LEKR1: variants seen among roughly 807,000 people sequenced by gnomAD.
LEKR1 encodes the protein leucine, glutamate and lysine rich 1.
In LEKR1, 59 loss-of-function variants were observed where a neutral mutation model predicts 72.4. The ratio of observed to expected loss-of-function variants is 0.82; its 90% CI spans 0.66 to 1.01. LEKR1 has a LOEUF of 1.01. Among genes scored for constraint, LEKR1 ranks in the 50% least tolerant of loss-of-function variants. LEKR1 has a pLI of 0.00. For synonymous variants in LEKR1, 257 were observed against 263.2 expected (o/e 0.98, Z 0.23); for missense variants, 728 against 759.2 (o/e 0.96, Z 0.48).
In LEKR1 at chr3:156,938,142, AACAC is replaced by A. The variant is rs139273691; in HGVS notation, c.560-4369_560-4366del. Among the ~76,000 whole-genome samples the A allele has an allele frequency of 3.1e-4, 47 of 149,704 alleles. 1 individual carries two copies. The South Asian group carries it at 3.6e-3, about 11-fold the overall frequency. ...TTATGATAGAATTGCATGGAACTGT[AACAC>A]ACACACACACACACACATGAGTGTG... On this transcript the variant is annotated intron_variant, in intron 5 of 12. Transcript: ENST00000356539.
chr3:156,933,960 C>T (rs1306902977), intron 5 of LEKR1, among the ~76,000 whole-genome samples: 1 of 152,104 alleles, frequency 6.6e-6, no homozygotes, highest in Non-Finnish European at 1.5e-5. Context: ...AGAGGGAGGC[C>T]CTTCAGATTT....
chr3:156,922,986 A>G (rs1724353279), intron 4 of LEKR1, among the ~76,000 whole-genome samples: 1 of 152,052 alleles, frequency 6.6e-6, no homozygotes, highest in South Asian at 2.1e-4. Flanking sequence ...TTCAATGTCA[A>G]CTCCAAAAAT....
chr3:156,902,897 A>G (rs1722171174), intron 3 of LEKR1, among the ~76,000 whole-genome samples: 1 of 152,080 alleles, frequency 6.6e-6, no homozygotes, highest in South Asian at 2.1e-4. Context: ...TGATTTTAAA[A>G]AAAGCACCAT....
rs565551996 is a variant in LEKR1 at position 156,969,993 on chromosome 3, A to T, written c.746-9201A>T. Among the ~76,000 whole-genome samples, 15 of 152,344 alleles carry T rather than the reference A, an allele frequency of 9.8e-5. No homozygotes were observed. In the East Asian group the frequency reaches 2.1e-3, roughly 22 times the overall value. ...ATATGCAAATCAATAAACATAATCC[A>T]GCATATAAACAGAACCAATGACAAA... On this transcript the variant is annotated intron_variant, in intron 6 of 12. Transcript: ENST00000356539.
intron 3 of LEKR1, among the ~76,000 whole-genome samples, chr3:156,882,788 G>A (rs1315894300): frequency 6.6e-6 from 1 of 152,104 alleles, no homozygotes; most frequent in Admixed American, 6.5e-5. Flanking sequence ...TTAAGAAAAT[G>A]TGGCACATAT....
chr3:156,861,884 C>T (rs921481597), intron 3 of LEKR1, among the ~76,000 whole-genome samples: 1 of 152,044 alleles, frequency 6.6e-6, no homozygotes, highest in Non-Finnish European at 1.5e-5. Flanking sequence ...CCCACACCAA[C>T]ACTAGATTGT....
intron 3 of LEKR1, among the ~76,000 whole-genome samples, chr3:156,914,106 G>C (rs1334551301): frequency 2.0e-5 from 3 of 151,806 alleles, no homozygotes; most frequent in African/African-American, 4.8e-5. Context: ...CAGTTCCTTG[G>C]TATTCTCTAA....
chr3:156,849,570 G>A (rs1715077815), intron 2 of LEKR1, among the ~76,000 whole-genome samples: 1 of 151,490 alleles, frequency 6.6e-6, no homozygotes, highest in South Asian at 2.1e-4. Context: ...ATATAGACCA[G>A]TGGAACAGAA....
intron 5 of LEKR1, among the ~76,000 whole-genome samples, chr3:156,936,796 T>G (rs1560093968): frequency 1.3e-5 from 2 of 152,204 alleles, no homozygotes; most frequent in East Asian, 3.9e-4. Flanking sequence ...AAAGAGAAAG[T>G]GCCTTGTCCT....
At chr3:157,044,228 T>C (rs192415316) in intron 12 of LEKR1, among the ~76,000 whole-genome samples, 1 of 152,308 alleles carries the variant, frequency 6.6e-6, no homozygotes, top group African/African-American at 2.4e-5. Flanking sequence ...GCACACTCAT[T>C]TTACTTGTGT....
chr3:156,943,029 A>G (rs1175400847), intron 6 of LEKR1, among the ~76,000 whole-genome samples: 1 of 151,992 alleles, frequency 6.6e-6, no homozygotes, highest in Non-Finnish European at 1.5e-5. Context: ...TTCCTTGTAA[A>G]GGTGAATCCA....
intron 10 of LEKR1, 137 bp downstream of exon 10, chr3:157,011,643 A>T (rs974887150): frequency 6.1e-6 from 4 of 651,302 alleles, no homozygotes; most frequent in Admixed American, 5.9e-5. Context: ...TTCCTAGACC[A>T]GACATGCTTA....
At chr3:156,854,201 T>A (rs539704865) in intron 3 of LEKR1, among the ~76,000 whole-genome samples, 1 of 145,216 alleles carries the variant, frequency 6.9e-6, no homozygotes, top group South Asian at 2.2e-4. Context: ...TGGAGTGCAG[T>A]GTCGTGATCT....
In LEKR1 at chr3:157,045,508, G is replaced by A. The variant is rs1324865820; in HGVS notation, c.1837G>A (p.Ala613Thr). ...SKGSLTSPAA[A>T]VSNHGERSLA... is the part of the protein sequence containing the mutation. ...GGGCAGCCTAACCTCCCCTGCTGCA[G>A]CAGTCAGTAATCATGGAGAGAGAAG... The change falls in exon 13 of 13, where the codon GCA becomes ACA. Residue 613 changes from alanine to threonine, a missense_variant. Ala to Thr is a moderately conservative substitution (Grantham distance 58). Coordinates refer to ENST00000356539, the MANE Select transcript of LEKR1 (RefSeq NM_001004316.3). 1.2e-6 allele frequency: 2 copies of A among 1,614,014 alleles called. No homozygotes were observed. Among genetic ancestry groups the A allele is most frequent in the East Asian group, 2.2e-5 (1 of 44,896 alleles).
Position 157,038,517 on chromosome 3 carries a change from C to A in LEKR1, c.1669-6823C>A, listed in dbSNP as rs576785087. On this transcript the variant is annotated intron_variant, in intron 12 of 12. Coordinates refer to ENST00000356539, the MANE Select transcript of LEKR1 (RefSeq NM_001004316.3). ...AACCCTTGGGACTGAATGAGATCAC[C>A]CAGAGGATGAGGTAATAGAGCAAGG... Among the ~76,000 whole-genome samples, 46 of 152,106 alleles carry A rather than the reference C, an allele frequency of 3.0e-4. 1 individual carries two copies. The highest frequency in any genetic ancestry group is 6.5e-4 in the Non-Finnish European group (44 of 67,988).
At chr3:156,899,860 G>T (rs946687090) in intron 3 of LEKR1, among the ~76,000 whole-genome samples, 1 of 151,214 alleles carries the variant, frequency 6.6e-6, no homozygotes, top group Non-Finnish European at 1.5e-5. Context: ...ATGTATATGT[G>T]CATGTGTGTA....
chr3:157,028,221 A>G lies in LEKR1; in HGVS notation c.1487A>G (p.Glu496Gly), dbSNP rs546912778. 94 of 1,613,328 alleles carry G rather than the reference A, an allele frequency of 5.8e-5. No homozygotes were observed. The highest frequency in any genetic ancestry group is 3.4e-4 in the South Asian group (31 of 91,052). Residue 496 changes from glutamate to glycine, a missense_variant, in exon 12 of 13, where the codon GAA becomes GGA. Physicochemically the swap from Glu to Gly is moderately conservative, Grantham distance 98. Coordinates refer to ENST00000356539, the MANE Select transcript of LEKR1 (RefSeq NM_001004316.3). ...GAAGAATCTAATTCAAAGGAAAAAG[A>G]AATTGAAAATCTTAAAAATTTGGTT... ...YTEESNSKEKEIENLKNLVAE... is the reference protein window; with the variant it reads ...YTEESNSKEKGIENLKNLVAE...
chr3:156,873,953 G>C (rs142468976), intron 3 of LEKR1, among the ~76,000 whole-genome samples: 237 of 152,134 alleles, frequency 1.6e-3, no homozygotes, highest in Non-Finnish European at 2.6e-3. Flanking sequence ...GACTTTGACA[G>C]TTTAACTATA....
chr3:157,015,348 A>G (rs1185693472), intron 10 of LEKR1, among the ~76,000 whole-genome samples: 1 of 152,218 alleles, frequency 6.6e-6, no homozygotes, highest in Non-Finnish European at 1.5e-5. Flanking sequence ...ACATAAAGCC[A>G]GCGACAGACA....
Sources: allele counts gnomAD v4.1 joint callset (sites outside exome capture counted in the v4.1 genomes callset), GRCh38; gene constraint gnomAD v4.1.1; transcripts MANE v1.5; gene names NCBI Gene and HGNC (gene_info 2026-07-23, HGNC 2026-07-21).